Variants in TUSC3 observed in about 807,000 individuals in gnomAD.
TUSC3 encodes tumor suppressor candidate 3, also known as dolichyl-diphosphooligosaccharide--protein glycosyltransferase subunit TUSC3.
In TUSC3, 45 loss-of-function variants were observed where a neutral mutation model predicts 44.8. That is an observed-to-expected ratio of 1.00 (90% CI 0.79 to 1.29). The LOEUF (loss-of-function observed/expected upper bound fraction) is 1.29, where lower values mean the gene tolerates loss of function less well. Ranked by LOEUF, TUSC3 falls within the 50% of genes most tolerant of loss-of-function variation. The pLI, the probability that TUSC3 is intolerant of heterozygous loss-of-function variation, is 0.00. For missense variants in TUSC3, 519 were observed against 437.9 expected (o/e 1.19, Z -1.65); for synonymous variants, 212 against 152.9 (o/e 1.39, Z -2.85).
At chr8:15,629,167 T>C (rs571658420) in intron 2 of TUSC3, among the ~76,000 whole-genome samples, 1 of 152,210 alleles carries the variant, frequency 6.6e-6, no homozygotes, top group South Asian at 2.1e-4. Context: ...GATTATAAAA[T>C]TAGATGTTGA....
chr8:15,722,727 C>T (rs937403526), intron 6 of TUSC3, among the ~76,000 whole-genome samples: 1 of 151,810 alleles, frequency 6.6e-6, no homozygotes, highest in Admixed American at 6.6e-5. Flanking sequence ...TCCCACTGTT[C>T]CAATGGAAAA....
intron 5 of TUSC3, among the ~76,000 whole-genome samples, chr8:15,670,677 A>G (rs1313214060): frequency 3.3e-5 from 5 of 151,894 alleles, no homozygotes; most frequent in Admixed American, 1.3e-4. Flanking sequence ...TAGAAGAAAT[A>G]ATTGATAAAC....
intron 1 of TUSC3, among the ~76,000 whole-genome samples, chr8:15,604,690 G>A (rs1804442556): frequency 1.3e-5 from 2 of 151,836 alleles, no homozygotes; most frequent in South Asian, 4.1e-4. Context: ...TTTCTATTTA[G>A]AATGTCAAAG....
intron 1 of TUSC3, among the ~76,000 whole-genome samples, chr8:15,559,386 G>A (rs200165955): frequency 0.028 from 4,106 of 148,610 alleles, 321 homozygotes; most frequent in East Asian, 0.24. Context: ...TATAATTTCT[G>A]TTCTTTTACA....
chr8:15,594,300 T>C (rs1033899930), intron 1 of TUSC3, among the ~76,000 whole-genome samples: 5 of 152,220 alleles, frequency 3.3e-5, no homozygotes, highest in Admixed American at 6.5e-5. Flanking sequence ...GTATACTTAA[T>C]GTCTTGAGCA....
the TUSC3 span, among the ~76,000 whole-genome samples, chr8:15,839,214 C>G: frequency 2.0e-5 from 3 of 152,104 alleles, no homozygotes; most frequent in Non-Finnish European, 4.4e-5. Context: ...ATTTTATATC[C>G]TGAGACTTTG....
At chr8:15,755,927 CTG>C (rs933950943) in intron 9 of TUSC3, among the ~76,000 whole-genome samples, 2 of 152,036 alleles carry the variant, frequency 1.3e-5, no homozygotes, top group African/African-American at 2.4e-5. Context: ...CACTGGCACT[CTG>C]TGCTCACAAA....
chr8:15,446,966 A>G (rs1351599057), intron 1 of TUSC3, among the ~76,000 whole-genome samples: 3 of 152,082 alleles, frequency 2.0e-5, no homozygotes, highest in African/African-American at 7.2e-5. Context: ...GGAAATTCAC[A>G]CACCCAATGA....
At chr8:15,824,343 C>G in the TUSC3 span, among the ~76,000 whole-genome samples, 2 of 152,094 alleles carry the variant, frequency 1.3e-5, no homozygotes, top group African/African-American at 2.4e-5. Context: ...CTAAAACAGG[C>G]AACTCCATTG....
At chr8:15,807,262 C>G in the TUSC3 span, 1 of 614,278 alleles carries the variant, frequency 1.6e-6, no homozygotes, top group African/African-American at 1.8e-5. Flanking sequence ...TCCATCTTTG[C>G]TTGTCTAAAG....
the TUSC3 span, among the ~76,000 whole-genome samples, chr8:15,819,843 A>G: frequency 1.3e-5 from 2 of 152,344 alleles, no homozygotes; most frequent in East Asian, 3.9e-4. Context: ...GGGCGTATTT[A>G]TGATAAAAGA....
rs572576466 is a variant in TUSC3 at position 15,485,448 on chromosome 8, CATT to C, written n.189+1968_189+1970del. Reference sequence around the variant, plus strand: ...TGGGTTTATCACAGGGAAGCAATGTCATTATACTCTGTTGTCTTTTTTTTTTTG... The same window carrying C: ...TGGGTTTATCACAGGGAAGCAATGTCATACTCTGTTGTCTTTTTTTTTTTG... On this transcript the variant is annotated intron_variant and non_coding_transcript_variant, in intron 2 of 5. Transcript: ENST00000503191. 3.5e-3 allele frequency among the ~76,000 whole-genome samples: 514 copies of C among 147,576 alleles called. 7 individuals are homozygous for C. Among genetic ancestry groups the C allele is most frequent in the Middle Eastern group, 0.028 (8 of 284 alleles).
At chr8:15,740,854 A>G (rs1436634467) in intron 7 of TUSC3, among the ~76,000 whole-genome samples, 1 of 152,318 alleles carries the variant, frequency 6.6e-6, no homozygotes, top group Non-Finnish European at 1.5e-5. Flanking sequence ...AGGAATGTTT[A>G]TAGTAGCAAG....
intron 1 of TUSC3, among the ~76,000 whole-genome samples, chr8:15,458,956 GGTTTAA>G (rs564676361): frequency 3.7e-4 from 56 of 152,198 alleles, no homozygotes; most frequent in South Asian, 2.7e-3. Flanking sequence ...GACTAAAAGA[GGTTTAA>G]GTTAATCTTT....
At chr8:15,446,303 G>A (rs1016216495) in intron 1 of TUSC3, among the ~76,000 whole-genome samples, 3 of 151,816 alleles carry the variant, frequency 2.0e-5, no homozygotes, top group Admixed American at 6.6e-5. Flanking sequence ...AGGCAGAGAT[G>A]CTCCTTACTT....
chr8:15,467,318 T>C (rs989465540), intron 1 of TUSC3, among the ~76,000 whole-genome samples: 2 of 150,808 alleles, frequency 1.3e-5, no homozygotes, highest in Admixed American at 1.3e-4. Context: ...CTTTTCTCTA[T>C]CTTCTCTCAC....
intron 2 of TUSC3, among the ~76,000 whole-genome samples, chr8:15,534,410 G>A (rs1035741913): frequency 5.3e-5 from 8 of 152,042 alleles, no homozygotes; most frequent in Non-Finnish European, 8.8e-5. Flanking sequence ...TTGGGAGGCC[G>A]AGGCGGGCAG....
chr8:15,668,601 T>C (rs958821122), intron 5 of TUSC3, among the ~76,000 whole-genome samples: 3 of 151,730 alleles, frequency 2.0e-5, no homozygotes, highest in Non-Finnish European at 4.4e-5. Context: ...GATGAACATA[T>C]GTCCAAAATC....
chr8:15,490,494 G>A (rs899935940), intron 2 of TUSC3, among the ~76,000 whole-genome samples: 2 of 152,116 alleles, frequency 1.3e-5, no homozygotes, highest in Non-Finnish European at 2.9e-5. Context: ...CTGAAGGCCT[G>A]CTGACGTTGA....
Sources: allele counts gnomAD v4.1 joint callset (sites outside exome capture counted in the v4.1 genomes callset), GRCh38; gene constraint gnomAD v4.1.1; transcripts MANE v1.5; gene names NCBI Gene and HGNC (gene_info 2026-07-23, HGNC 2026-07-21).